The following MEGF10 variants were observed in gnomAD, a reference collection of about 807,000 sequenced individuals.
The protein encoded by MEGF10 is multiple epidermal growth factor-like domains protein 10.
In MEGF10, 86 loss-of-function variants were observed where a neutral mutation model predicts 147.5. The observed-to-expected ratio is 0.58, with a 90% CI of 0.49 to 0.70. MEGF10 has a LOEUF of 0.70. Ranked by LOEUF, MEGF10 falls within the 30% of genes least tolerant of loss-of-function variation. MEGF10 has a pLI of 0.00. For missense variants in MEGF10, 1,329 were observed against 1,487.3 expected, an observed-to-expected ratio of 0.89 and a Z score of 1.75; for synonymous variants, 478 against 525.5, an observed-to-expected ratio of 0.91 and a Z score of 1.24.
rs901933253 is a variant in MEGF10 at position 127,333,243 on chromosome 5, C to T, written c.116+1819C>T. On this transcript the variant is annotated intron_variant, in intron 2 of 24. Coordinates refer to ENST00000503335, the MANE Select transcript of MEGF10 (RefSeq NM_001256545.2). ...CTATAAGAGAAAAAAAGGTTGGGTG[C>T]GGTGGCTCAAGCCTGTAATCCCAGC... 9.2e-5 allele frequency among the ~76,000 whole-genome samples: 14 copies of T among 151,954 alleles called. 1 individual carries two copies. Among genetic ancestry groups the T allele is most frequent in the Admixed American group, 7.2e-4 (11 of 15,250 alleles).
intron 2 of MEGF10, among the ~76,000 whole-genome samples, chr5:127,338,537 C>T (rs1176291611): frequency 6.6e-6 from 1 of 152,052 alleles, no homozygotes; most frequent in Non-Finnish European, 1.5e-5. Context: ...TTGTCTCAGC[C>T]ATATGTTTAG....
chr5:127,457,491 G>T lies in MEGF10; in HGVS notation c.*173G>T, dbSNP rs758223605. The T allele has an allele frequency of 1.5e-6, 1 of 654,458 alleles. No individual in the cohort carries two copies. Among genetic ancestry groups the T allele is most frequent in the Non-Finnish European group, 2.5e-6 (1 of 393,888 alleles). The allele number at this position is 654,458 out of a possible 1,614,324, so 40.5% of individuals were successfully genotyped here. ...CTGACACGGACTGTAGGTGCTTTTT[G>T]TTCAGGTGGATTCGAAGGAGTTAGA... On this transcript the variant is annotated 3_prime_UTR_variant, in exon 25 of 25. Coordinates refer to ENST00000503335, the MANE Select transcript of MEGF10 (RefSeq NM_001256545.2).
At chr5:127,254,375 T>C in the MEGF10 span, among the ~76,000 whole-genome samples, 1 of 152,350 alleles carries the variant, frequency 6.6e-6, no homozygotes, top group South Asian at 2.1e-4. Context: ...CACAATATTC[T>C]ACAATTTCCT....
At chr5:127,351,882 G>C (rs1165459091) in intron 4 of MEGF10, among the ~76,000 whole-genome samples, 1 of 152,126 alleles carries the variant, frequency 6.6e-6, no homozygotes, top group Non-Finnish European at 1.5e-5. Context: ...CATTTACAAA[G>C]GTATGGTCTT....
chr5:127,420,161 C>T lies in MEGF10; in HGVS notation c.1544C>T (p.Thr515Met), dbSNP rs777758032. 1.5e-5 allele frequency: 24 copies of T among 1,614,090 alleles called. No homozygotes were observed. The highest frequency in any genetic ancestry group is 3.3e-5 in the South Asian group (3 of 91,080). ...TGCAACACCCTGGACGGGACCTGCA[C>T]GTGTGCACCTGGATGGCGCGGGGAG... ...GACNTLDGTC[T>M]CAPGWRGEKC... The change falls in exon 12 of 25, where the codon ACG becomes ATG. Residue 515 changes from threonine (T) to methionine (M), a missense_variant. Physicochemically the swap from Thr to Met is moderately conservative, Grantham distance 81 (BLOSUM62 -1). Coordinates refer to ENST00000503335, the MANE Select transcript of MEGF10 (RefSeq NM_001256545.2).
chr5:127,337,700 A>T (rs1469819930), intron 2 of MEGF10, among the ~76,000 whole-genome samples: 2 of 152,038 alleles, frequency 1.3e-5, no homozygotes, highest in African/African-American at 2.4e-5. Context: ...CAGTCATCTA[A>T]AGTATATGTT....
chr5:127,249,320 G>A, the MEGF10 span, among the ~76,000 whole-genome samples: 7 of 151,674 alleles, frequency 4.6e-5, no homozygotes, highest in East Asian at 7.7e-4. Flanking sequence ...AATCCCTGGC[G>A]CAATCACTAA....
chr5:127,309,203 G>A (rs1760150357), intron 1 of MEGF10, among the ~76,000 whole-genome samples: 1 of 152,170 alleles, frequency 6.6e-6, no homozygotes, highest in Admixed American at 6.5e-5. Context: ...AGTAAACAAG[G>A]AGTTCTCACC....
intron 17 of MEGF10, 64 bp downstream of exon 17, chr5:127,438,631 C>T: frequency 1.3e-6 from 2 of 1,570,268 alleles, no homozygotes; most frequent in South Asian, 2.3e-5. Context: ...ACAGCCTTAC[C>T]CTCCGCATGC....
intron 5 of MEGF10, among the ~76,000 whole-genome samples, chr5:127,373,224 T>A (rs1164861540): frequency 6.6e-6 from 1 of 152,200 alleles, no homozygotes; most frequent in Non-Finnish European, 1.5e-5. Flanking sequence ...TGATCTTGGC[T>A]CACTGCAACC....
Position 127,354,552 on chromosome 5 carries a change from C to T in MEGF10, c.319+13922C>T, listed in dbSNP as rs558776712. Among the ~76,000 whole-genome samples, 3 of 152,194 alleles carry T rather than the reference C, an allele frequency of 2.0e-5. No homozygotes were observed. The East Asian group carries it at 5.8e-4, about 29-fold the overall frequency. On this transcript the variant is annotated intron_variant, in intron 4 of 24. Coordinates refer to ENST00000503335, the MANE Select transcript of MEGF10 (RefSeq NM_001256545.2). ...AAAGTGACTCACTAGTGATTTCTGCCACGGGATTGGAGTGGCAGTGGGTGG... is the reference window on the plus strand; with the variant it reads ...AAAGTGACTCACTAGTGATTTCTGCTACGGGATTGGAGTGGCAGTGGGTGG...
rs1181589882 is a variant in MEGF10 at position 127,342,295 on chromosome 5, A to G, written c.319+1665A>G. 5.3e-5 allele frequency among the ~76,000 whole-genome samples: 8 copies of G among 152,154 alleles called. No homozygotes were observed. In the East Asian group the frequency reaches 5.8e-4, roughly 11 times the overall value. On this transcript the variant is annotated intron_variant, in intron 4 of 24. Transcript: ENST00000503335. ...TTTCCCAGAGGCCTTCAGTGACATTATCTTGATGCCTTTACCTGGGTTCAA... is the reference window on the plus strand; with the variant it reads ...TTTCCCAGAGGCCTTCAGTGACATTGTCTTGATGCCTTTACCTGGGTTCAA...
At chr5:127,313,788 A>G (rs1760401299) in intron 1 of MEGF10, among the ~76,000 whole-genome samples, 2 of 152,222 alleles carry the variant, frequency 1.3e-5, no homozygotes, top group Non-Finnish European at 2.9e-5. Context: ...TCCCAGATAC[A>G]TTGGGGAAGA....
In MEGF10 at chr5:127,457,466, C is replaced by A; in HGVS notation, c.*148C>A. On this transcript the variant is annotated 3_prime_UTR_variant, in exon 25 of 25. Transcript: ENST00000503335. ...TGAACCAGAAAGCTGAAAGCTGAGG[C>A]TGACACGGACTGTAGGTGCTTTTTG... 1 of 782,770 alleles carries A rather than the reference C, an allele frequency of 1.3e-6. No homozygotes were observed. Among genetic ancestry groups the A allele is most frequent in the Non-Finnish European group, 2.0e-6 (1 of 505,040 alleles). The allele number at this position is 782,770 out of a possible 1,614,324, so 48.5% of individuals were successfully genotyped here. A position where few individuals can be genotyped will look rare whatever the true frequency, so the allele number is the denominator to read the frequency against.
At position 127,447,693 on chromosome 5, in the gene MEGF10, A is replaced by G; in HGVS notation, c.2856+9A>G. 6.2e-7 allele frequency: 1 copy of G among 1,613,952 alleles called. No homozygotes were observed. On this transcript the variant is annotated intron_variant, in intron 21 of 24. Coordinates refer to ENST00000503335, the MANE Select transcript of MEGF10 (RefSeq NM_001256545.2). ...GGATGACTGTCACGAAGGTGAGAGG[A>G]ATTGGTTCAAGTCTTTGGAAGTGGG...
At chr5:127,398,189 A>G (rs1763994424) in intron 6 of MEGF10, among the ~76,000 whole-genome samples, 1 of 152,168 alleles carries the variant, frequency 6.6e-6, no homozygotes, top group African/African-American at 2.4e-5. Flanking sequence ...CTATGTAACA[A>G]ACCTGCATAT....
chr5:127,341,662 A>G (rs1015289459), intron 4 of MEGF10, among the ~76,000 whole-genome samples: 1 of 152,296 alleles, frequency 6.6e-6, no homozygotes, highest in Admixed American at 6.5e-5. Context: ...AATCAGGGCT[A>G]TATTTAATAA....
intron 13 of MEGF10, chr5:127,424,414 C>A (rs966389189): frequency 2.1e-6 from 2 of 934,616 alleles, no homozygotes; most frequent in South Asian, 1.4e-5. Flanking sequence ...CACAAAGAAG[C>A]AAGGTGGAAA....
the MEGF10 span, among the ~76,000 whole-genome samples, chr5:127,256,658 T>G: frequency 9.2e-5 from 14 of 152,292 alleles, no homozygotes; most frequent in Non-Finnish European, 1.9e-4. Flanking sequence ...TTGCTTTGAG[T>G]AAAGTCTGCT....
Sources: allele counts gnomAD v4.1 joint callset (sites outside exome capture counted in the v4.1 genomes callset), GRCh38; gene constraint gnomAD v4.1.1; transcripts MANE v1.5; gene names NCBI Gene and HGNC (gene_info 2026-07-23, HGNC 2026-07-21).